The following CTDSP1 variants were observed in gnomAD, a reference collection of about 807,000 sequenced individuals.
The protein encoded by CTDSP1 is carboxy-terminal domain RNA polymerase II polypeptide A small phosphatase 1.
CTDSP1 carries 15 observed loss-of-function variants against 32.5 expected under a neutral mutation model. The ratio of observed to expected loss-of-function variants is 0.46; its 90% CI spans 0.31 to 0.71. The LOEUF (loss-of-function observed/expected upper bound fraction) is 0.71. Among genes scored for constraint, CTDSP1 ranks in the 30% least tolerant of loss-of-function variants. The probability of loss-of-function intolerance (pLI) is 0.05; values close to 1 mark genes in which losing one functional copy is unlikely to be tolerated. For missense variants in CTDSP1, 294 were observed against 351.1 expected (o/e 0.84, Z 1.30); for synonymous variants, 185 against 145.4 (o/e 1.27, Z -1.96).
At chr2:218,398,454 C>G (rs1322907123), upstream of CTDSP1, 35 of 1,532,562 alleles carry the variant, frequency 2.3e-5, no homozygotes, top group Non-Finnish European at 3.1e-5. Context: ...AGGAGGAGGG[C>G]CGAGGGATCC....
chr2:218,403,021 G>T lies in CTDSP1; in HGVS notation c.379-14G>T. The stretch of plus-strand genomic sequence containing the variant: ...CCCACTGGCCCGCAGCCCCCTCACT[G>T]GCCCGCCCCCCAGGTCTACGTGTTG... On this transcript the variant is annotated splice_polypyrimidine_tract_variant and intron_variant, in intron 4 of 6. Transcript: ENST00000273062. 6.2e-7 allele frequency: 1 copy of T among 1,611,118 alleles called. No homozygotes were observed. Among genetic ancestry groups the T allele is most frequent in the Non-Finnish European group, 8.5e-7 (1 of 1,178,018 alleles).
intron 1 of CTDSP1, chr2:218,400,815 C>T (rs1697090608): frequency 2.2e-6 from 1 of 454,970 alleles, no homozygotes; most frequent in South Asian, 1.6e-5. Flanking sequence ...AGGCTGCGTC[C>T]CCCAGCGTGG....
upstream of CTDSP1, chr2:218,399,384 G>A (rs2739049): frequency 0.54 from 81,791 of 152,166 alleles, 23,115 homozygotes; most frequent in East Asian, 0.67. Flanking sequence ...CAGCTGTTTC[G>A]GGCCAGCAGA....
Position 218,402,217 on chromosome 2 carries a change from TG to T in CTDSP1, c.321+5del, listed in dbSNP as rs1328804694. 1 of 1,613,182 alleles carries T rather than the reference TG, an allele frequency of 6.2e-7. No homozygotes were observed. Among genetic ancestry groups the T allele is most frequent in the African/African-American group, 1.3e-5 (1 of 74,888 alleles). ...ACCCTGGTGCACAGCTCCTTCAAGGTGGGCCCTGCTCAACAGCCCTCAGCCC... is the reference window on the plus strand; with the variant it reads ...ACCCTGGTGCACAGCTCCTTCAAGGTGGCCCTGCTCAACAGCCCTCAGCCC... On this transcript the variant is annotated splice_donor_region_variant and intron_variant, in intron 3 of 6. Transcript: ENST00000273062.
At chr2:218,399,653 T>G, upstream of CTDSP1, 1 of 873,432 alleles carries the variant, frequency 1.1e-6, no homozygotes, top group South Asian at 5.2e-5. Flanking sequence ...GTGCCGGGCC[T>G]GCCACGCAGC....
At chr2:218,398,802 A>C (rs1426220000), upstream of CTDSP1, 3 of 194,578 alleles carry the variant, frequency 1.5e-5, no homozygotes, top group East Asian at 3.6e-4. Flanking sequence ...CGACGAGTGA[A>C]AAGAACTTCA....
rs1697146871 is a variant in CTDSP1, at chr2:218,401,643, T to C, written c.147T>C (p.Asp49=). 6.2e-7 allele frequency: 1 copy of C among 1,612,954 alleles called. No individual in the cohort carries two copies. Among genetic ancestry groups the C allele is most frequent in the Non-Finnish European group, 8.5e-7 (1 of 1,179,524 alleles). Residue 49 remains aspartate (D), a synonymous_variant, in exon 2 of 7, where the codon GAT becomes GAC. Coordinates refer to ENST00000273062, the MANE Select transcript of CTDSP1 (RefSeq NM_021198.3). The stretch of plus-strand genomic sequence containing the variant: ...CACTCTTCTGCTGTGTCTGCCGGGA[T>C]GATGGGGAGGCCCTGCCTGCTCACA... The part of the protein sequence containing the change: ...LHSLFCCVCR[D]DGEALPAHSG...
At chr2:218,402,625 T>C (rs1451958936) in intron 4 of CTDSP1, 1 of 762,706 alleles carries the variant, frequency 1.3e-6, no homozygotes. Context: ...CCCCGTGCTG[T>C]GCTCCCTCGC....
intron 4 of CTDSP1, 138 bp from the exon 5 acceptor site, chr2:218,402,897 G>C: frequency 1.4e-6 from 1 of 692,244 alleles, no homozygotes; most frequent in Non-Finnish European, 2.6e-6. Context: ...CAGTGGTCAG[G>C]GTAGCTGGCC....
rs1697140571 is a variant in CTDSP1, at chr2:218,401,560, TC to T, written c.68-3del. On this transcript the variant is annotated splice_polypyrimidine_tract_variant and splice_region_variant and intron_variant, in intron 1 of 6. Transcript: ENST00000273062. Reference sequence around the variant, plus strand: ...AGCCTCCAACTTGTGCCTCCCTACTTCAGGTGACCAGAAGTCAGCAGCTTCC... The same window carrying T: ...AGCCTCCAACTTGTGCCTCCCTACTTAGGTGACCAGAAGTCAGCAGCTTCC... The T allele has an allele frequency of 6.2e-7, 1 of 1,613,600 alleles. No individual in the cohort carries two copies. The highest frequency in any genetic ancestry group is 1.3e-5 in the African/African-American group (1 of 74,900).
At chr2:218,400,371 T>G (rs2579958) in intron 1 of CTDSP1, 7 of 673,374 alleles carry the variant, frequency 1.0e-5, no homozygotes, top group Admixed American at 2.4e-5. Flanking sequence ...GCGCTCCTGT[T>G]CGCTCGAGGT....
Position 218,404,746 on chromosome 2 carries a change from T to G in CTDSP1, c.*321T>G. The G allele has an allele frequency of 3.7e-6, 1 of 266,796 alleles. No homozygotes were observed. 16.5% of individuals were successfully genotyped at this position (266,796 alleles called of 1,614,324 possible). A position where few individuals can be genotyped will look rare whatever the true frequency, so the allele number is the denominator to read the frequency against. The stretch of plus-strand genomic sequence containing the variant: ...TTCTCTGCTGCCAAATTGGGCCCCT[T>G]GGCCCCTTCCGGTTCTGCTTCCTGG... On this transcript the variant is annotated 3_prime_UTR_variant, in exon 7 of 7. Transcript: ENST00000273062.
At chr2:218,399,703 G>A (rs1024647955), upstream of CTDSP1, 65 of 987,816 alleles carry the variant, frequency 6.6e-5, no homozygotes, top group Admixed American at 6.7e-4. Flanking sequence ...CAGGAAGGGA[G>A]GCGACGCCCC....
chr2:218,397,415 C>T (rs1397782900), upstream of CTDSP1, among the ~76,000 whole-genome samples: 2 of 152,132 alleles, frequency 1.3e-5, no homozygotes, highest in African/African-American at 2.4e-5. Flanking sequence ...CGTGGTCGCA[C>T]TTGGCACTCC....
chr2:218,400,534 G>GC (rs1553526479), intron 1 of CTDSP1: 12 of 379,736 alleles, frequency 3.2e-5, no homozygotes, highest in South Asian at 6.1e-5. Flanking sequence ...CTGAGACTCC[G>GC]CCCCACCCCC....
upstream of CTDSP1, chr2:218,398,281 A>G: frequency 2.4e-6 from 2 of 834,386 alleles, no homozygotes; most frequent in African/African-American, 1.8e-5. Flanking sequence ...CCTTTCTTGA[A>G]ACTCAGTTTC....
upstream of CTDSP1, chr2:218,399,558 C>T (rs2106351952): frequency 5.5e-6 from 1 of 180,444 alleles, no homozygotes; most frequent in African/African-American, 2.4e-5. Context: ...TGGAGCCGCG[C>T]CGCACTCGGG....
intron 1 of CTDSP1, chr2:218,401,005 C>A (rs1697107357): frequency 2.3e-6 from 1 of 440,952 alleles, no homozygotes; most frequent in South Asian, 1.6e-5. Context: ...ATCTGTCAAT[C>A]AGGCTGCTGG....
chr2:218,398,121 C>CA (rs1696914644), upstream of CTDSP1: 1 of 459,994 alleles, frequency 2.2e-6, no homozygotes, highest in Non-Finnish European at 3.9e-6. Context: ...TCCCTCGCCA[C>CA]ACGCTTCCTT....
Sources: gnomAD v4.1 joint callset for allele counts (sites outside exome capture counted in the v4.1 genomes callset) on GRCh38, gnomAD v4.1.1 for gene constraint, MANE v1.5 for transcripts, NCBI Gene and HGNC (gene_info 2026-07-23, HGNC 2026-07-21) for gene names.